METTL15: variants seen among roughly 807,000 people sequenced by gnomAD.
METTL15 encodes the protein methyltransferase 15, mitochondrial 12S rRNA N4-cytidine.
METTL15 carries 34 observed loss-of-function variants against 38.3 expected under a neutral mutation model. The observed-to-expected ratio is 0.89, with a 90% CI of 0.68 to 1.18. The LOEUF (loss-of-function observed/expected upper bound fraction) is 1.18. METTL15 is among the 50% of genes most tolerant of loss of function. The pLI is 0.00. For missense variants in METTL15, 438 were observed against 498.4 expected (o/e 0.88, Z 1.15); for synonymous variants, 162 against 170.9 (o/e 0.95, Z 0.41).
intron 6 of METTL15, among the ~76,000 whole-genome samples, chr11:28,306,528 T>A (rs1027040545): frequency 2.0e-5 from 3 of 152,040 alleles, no homozygotes; most frequent in Non-Finnish European, 4.4e-5. Flanking sequence ...TGGATTCAGA[T>A]CTTGTCTAGG....
chr11:28,334,941 T>G (rs182917787), downstream of METTL15, among the ~76,000 whole-genome samples: 235 of 152,268 alleles, frequency 1.5e-3, no homozygotes, highest in Admixed American at 4.3e-3. Flanking sequence ...AATTTAATAT[T>G]TCAATATGCA....
intron 6 of METTL15, among the ~76,000 whole-genome samples, chr11:28,315,579 A>G (rs1225071366): frequency 6.6e-6 from 1 of 152,260 alleles, no homozygotes; most frequent in Non-Finnish European, 1.5e-5. Context: ...AGCTGACTGC[A>G]GAAATTTGCA....
chr11:28,457,571 G>A (rs1171427858), intron 6 of METTL15, among the ~76,000 whole-genome samples: 1 of 152,138 alleles, frequency 6.6e-6, no homozygotes, highest in Non-Finnish European at 1.5e-5. Flanking sequence ...TAGATGCTAC[G>A]TGACTTCATC....
chr11:28,306,768 A>G (rs934465196), intron 6 of METTL15, among the ~76,000 whole-genome samples: 1 of 152,072 alleles, frequency 6.6e-6, no homozygotes, highest in African/African-American at 2.4e-5. Flanking sequence ...TGGATTGACA[A>G]AGATCAAAGA....
intron 3 of METTL15, among the ~76,000 whole-genome samples, chr11:28,187,552 A>G (rs1168456451): frequency 6.7e-6 from 1 of 148,410 alleles, no homozygotes; most frequent in Non-Finnish European, 1.5e-5. Context: ...ACACGGACCG[A>G]TGTCCATCTT....
At chr11:28,184,999 T>C (rs1208281347) in intron 3 of METTL15, among the ~76,000 whole-genome samples, 3 of 151,444 alleles carry the variant, frequency 2.0e-5, no homozygotes, top group Non-Finnish European at 4.4e-5. Context: ...CTAATCCACA[T>C]TTTACATAAT....
At chr11:28,358,076 CTG>C (rs1850104849) in intron 4 of METTL15, among the ~76,000 whole-genome samples, 1 of 151,972 alleles carries the variant, frequency 6.6e-6, no homozygotes, top group Non-Finnish European at 1.5e-5. Context: ...AGGGGGAAAT[CTG>C]TGACATTGAA....
chr11:28,445,584 G>A (rs867535569), intron 6 of METTL15, among the ~76,000 whole-genome samples: 2 of 152,082 alleles, frequency 1.3e-5, no homozygotes, highest in African/African-American at 4.8e-5. Flanking sequence ...CCTTTAAACA[G>A]GAATATGTCT....
chr11:28,210,955 T>A (rs1195978715), intron 3 of METTL15, 107 bp from the exon 4 acceptor site: 12 of 1,178,808 alleles, frequency 1.0e-5, no homozygotes, highest in Non-Finnish European at 1.4e-5. Context: ...ATTTTCCTAT[T>A]TACTGTCAAG....
At chr11:28,221,897 T>C (rs1565179903) in intron 4 of METTL15, among the ~76,000 whole-genome samples, 1 of 152,148 alleles carries the variant, frequency 6.6e-6, no homozygotes, top group South Asian at 2.1e-4. Context: ...TGTTGCTGCC[T>C]GATCGTTCCT....
chr11:28,168,770 A>C (rs1163805614), intron 3 of METTL15, among the ~76,000 whole-genome samples: 1 of 152,166 alleles, frequency 6.6e-6, no homozygotes, highest in East Asian at 1.9e-4. Context: ...AGTGCATTCC[A>C]CACCAAAAAA....
intron 4 of METTL15, among the ~76,000 whole-genome samples, chr11:28,245,238 G>A (rs1341685122): frequency 6.6e-6 from 1 of 152,162 alleles, no homozygotes. Context: ...CTCCATGCTT[G>A]TGTCCTCATT....
intron 3 of METTL15, among the ~76,000 whole-genome samples, chr11:28,175,096 C>A (rs978598203): frequency 1.3e-5 from 2 of 152,124 alleles, no homozygotes; most frequent in Non-Finnish European, 2.9e-5. Flanking sequence ...ATCCCTCCCC[C>A]CTACCCCCAC....
chr11:28,450,676 T>G (rs1851113119), intron 6 of METTL15, among the ~76,000 whole-genome samples: 1 of 152,220 alleles, frequency 6.6e-6, no homozygotes, highest in African/African-American at 2.4e-5. Context: ...CTTATTGGAC[T>G]TTAGTGGATT....
At chr11:28,390,058 T>C (rs1187658525) in intron 5 of METTL15, among the ~76,000 whole-genome samples, 2 of 151,292 alleles carry the variant, frequency 1.3e-5, no homozygotes, top group East Asian at 1.9e-4. Flanking sequence ...TCATATCCTT[T>C]GCCCACTTTT....
chr11:28,133,636 A>G (rs138484227), intron 3 of METTL15, among the ~76,000 whole-genome samples: 263 of 152,286 alleles, frequency 1.7e-3, no homozygotes, highest in African/African-American at 6.1e-3. Flanking sequence ...TTGCTTGCTC[A>G]AGGTGGGACA....
chr11:28,425,643 T>C (rs1240007972), intron 6 of METTL15, among the ~76,000 whole-genome samples: 2 of 152,180 alleles, frequency 1.3e-5, no homozygotes, highest in African/African-American at 4.8e-5. Context: ...AGTGCTCTCA[T>C]AGCACCCGCT....
At chr11:28,389,129 C>T (rs1174397609) in intron 5 of METTL15, among the ~76,000 whole-genome samples, 1 of 151,950 alleles carries the variant, frequency 6.6e-6, no homozygotes, top group Non-Finnish European at 1.5e-5. Context: ...GTGAATAGTG[C>T]CTCAATAAAC....
At chr11:28,352,156 T>C (rs1055085345) in exon 4 of METTL15, 4 of 152,216 alleles carry the variant, frequency 2.6e-5, no homozygotes, top group African/African-American at 9.6e-5. Context: ...CTTCACAGCA[T>C]AGGCAAGAAA....
Sources: gnomAD v4.1 joint callset for allele counts (sites outside exome capture counted in the v4.1 genomes callset) on GRCh38, gnomAD v4.1.1 for gene constraint, MANE v1.5 for transcripts, NCBI Gene and HGNC (gene_info 2026-07-23, HGNC 2026-07-21) for gene names.